The following ZAP70 variants were observed in gnomAD, a reference collection of about 807,000 sequenced individuals.
ZAP70 encodes tyrosine-protein kinase ZAP-70.
Under a neutral mutation model 65.8 loss-of-function variants are expected in ZAP70, and 27 were observed. That is an observed-to-expected ratio of 0.41 (90% CI 0.30 to 0.57). The LOEUF (loss-of-function observed/expected upper bound fraction) is 0.57. ZAP70 is among the 20% of genes least tolerant of loss of function. ZAP70 has a pLI of 0.28. For synonymous variants in ZAP70, 363 were observed against 360.8 expected (o/e 1.01, Z -0.07); for missense variants, 696 against 870.5 (o/e 0.80, Z 2.52).
Position 97,725,157 on chromosome 2 carries a change from G to A in ZAP70, c.468G>A (p.Thr156=), listed in dbSNP as rs200552725. 17 of 1,614,136 alleles carry A rather than the reference G, an allele frequency of 1.1e-5. No individual in the cohort carries two copies. The African/African-American group carries it at 1.1e-4, about 10-fold the overall frequency. Reference sequence around the variant, plus strand: ...AGGTGGAGAAGCTCATTGCTACGACGGCCCACGAGCGGATGCCCTGGTACC... The same window carrying A: ...AGGTGGAGAAGCTCATTGCTACGACAGCCCACGAGCGGATGCCCTGGTACC... ...APQVEKLIAT[T]AHERMPWYHS... Residue 156 remains threonine (T), a synonymous_variant, in exon 4 of 14, where the codon ACG becomes ACA. Transcript: ENST00000264972.
intron 2 of ZAP70, among the ~76,000 whole-genome samples, chr2:97,717,607 T>G (rs1346845570): frequency 1.3e-5 from 2 of 152,188 alleles, no homozygotes; most frequent in Non-Finnish European, 2.9e-5. Context: ...TAATGGGGGC[T>G]TCTGATGCCC....
In ZAP70 at chr2:97,725,726, G is replaced by A. The variant is rs188812060; in HGVS notation, c.563+474G>A. Among the ~76,000 whole-genome samples, 301 of 152,298 alleles carry A rather than the reference G, an allele frequency of 2.0e-3. 1 individual carries two copies. Among genetic ancestry groups the A allele is most frequent in the African/African-American group, 6.9e-3 (288 of 41,544 alleles). ...GCGCCGTGTGTGCAGGTGGGGAGGC[G>A]GTTGCAATTTTAGATTAGGTGGTCA... On this transcript the variant is annotated intron_variant, in intron 4 of 13. Transcript: ENST00000264972.
chr2:97,730,703 A>G (rs887119122), intron 4 of ZAP70, among the ~76,000 whole-genome samples: 79 of 152,288 alleles, frequency 5.2e-4, no homozygotes, highest in African/African-American at 1.8e-3. Flanking sequence ...TTCCCCCAGT[A>G]TTCCACATGG....
downstream of ZAP70, among the ~76,000 whole-genome samples, chr2:97,744,296 G>A (rs1341152298): frequency 6.6e-6 from 1 of 152,092 alleles, no homozygotes; most frequent in Non-Finnish European, 1.5e-5. Flanking sequence ...CTGTAGACAC[G>A]CTAAATAAAC....
chr2:97,723,943 G>C lies in ZAP70; in HGVS notation c.-21-73G>C, dbSNP rs1054740794. On this transcript the variant is annotated intron_variant, in intron 2 of 13. Coordinates refer to ENST00000264972, the MANE Select transcript of ZAP70 (RefSeq NM_001079.4). ...TGATGCCCTCCACTTGGCGTCTCTC[G>C]CGCCGTCTTTGGGCCCAACGCACCA... 6.7e-5 allele frequency: 100 copies of C among 1,502,144 alleles called. 1 individual carries two copies. Among genetic ancestry groups the C allele is most frequent in the Non-Finnish European group, 8.7e-5 (98 of 1,121,144 alleles). The allele number at this position is 1,502,144 out of a possible 1,614,324, so 93.1% of individuals were successfully genotyped here. A position where few individuals can be genotyped will look rare whatever the true frequency, so the allele number is the denominator to read the frequency against.
At chr2:97,718,168 C>T (rs11896919) in intron 2 of ZAP70, among the ~76,000 whole-genome samples, 175 of 152,162 alleles carry the variant, frequency 1.2e-3, no homozygotes, top group African/African-American at 4.0e-3. Context: ...CCAGGCAGGT[C>T]GAGGGCTGGG....
intron 2 of ZAP70, among the ~76,000 whole-genome samples, chr2:97,721,101 C>T (rs1677136757): frequency 6.6e-6 from 1 of 152,110 alleles, no homozygotes; most frequent in African/African-American, 2.4e-5. Flanking sequence ...GGTATTTTTT[C>T]CCAACATTCT....
At chr2:97,740,582 G>T (rs1678103436), downstream of ZAP70, among the ~76,000 whole-genome samples, 2 of 152,154 alleles carry the variant, frequency 1.3e-5, no homozygotes. Flanking sequence ...TAAGAAGGAG[G>T]CATTAAAAAA....
intron 4 of ZAP70, among the ~76,000 whole-genome samples, chr2:97,726,526 C>A (rs1677395656): frequency 6.6e-6 from 1 of 152,266 alleles, no homozygotes. Flanking sequence ...ATCTGCCTCC[C>A]CCAGGGCTGT....
rs1219741849 is a variant in ZAP70, at chr2:97,736,598, G to A, written c.1290-875G>A. ...GAGCATGTGGGAAGATAGTGTGGTG[G>A]GCACAAGCCTGCCGCAGCTCCAGGG... On this transcript the variant is annotated intron_variant, in intron 10 of 13. Coordinates refer to ENST00000264972, the MANE Select transcript of ZAP70 (RefSeq NM_001079.4). The surrounding 1 kb of genome is among the most constrained non-coding windows in gnomAD (Gnocchi z 4.0). Among the ~76,000 whole-genome samples, 1 of 152,222 alleles carries A rather than the reference G, an allele frequency of 6.6e-6. No individual in the cohort carries two copies. Among genetic ancestry groups the A allele is most frequent in the Non-Finnish European group, 1.5e-5 (1 of 68,044 alleles).
Position 97,725,241 on chromosome 2 carries a change from C to G in ZAP70, c.552C>G (p.Asp184Glu). The change falls in exon 4 of 14, where the codon GAC (aspartate) becomes GAG (glutamate). Residue 184 changes from aspartate to glutamate, a missense_variant. By Grantham distance (45) the Asp-to-Glu change is conservative. Coordinates refer to ENST00000264972, the MANE Select transcript of ZAP70 (RefSeq NM_001079.4). The part of the protein sequence containing the change: ...ERKLYSGAQT[D>E]GKFLLRPRKE... The stretch of plus-strand genomic sequence containing the variant: ...AACTTTACTCTGGGGCGCAGACCGA[C>G]GGCAAGTTCCTGTATGTGGGGCCCG... 1 of 1,613,288 alleles carries G rather than the reference C, an allele frequency of 6.2e-7. No homozygotes were observed. Among genetic ancestry groups the G allele is most frequent in the Non-Finnish European group, 8.5e-7 (1 of 1,179,284 alleles).
intron 13 of ZAP70, among the ~76,000 whole-genome samples, chr2:97,738,918 G>A (rs947239386): frequency 3.3e-5 from 5 of 152,022 alleles, no homozygotes; most frequent in Non-Finnish European, 5.9e-5. Flanking sequence ...TAATACTGCC[G>A]CTCCCCGCTG....
Position 97,732,993 on chromosome 2 carries a change from A to G in ZAP70, c.674A>G (p.Glu225Gly). 6.2e-7 allele frequency: 1 copy of G among 1,614,094 alleles called. No homozygotes were observed. Among genetic ancestry groups the G allele is most frequent in the Non-Finnish European group, 8.5e-7 (1 of 1,180,036 alleles). ...AAGGCGGGCAAGTACTGCATTCCCG[A>G]GGGCACCAAGTTTGACACGCTCTGG... ...QDKAGKYCIP[E>G]GTKFDTLWQL... The change falls in exon 5 of 14, where the codon GAG (glutamate) becomes GGG (glycine). Residue 225 changes from glutamate (E) to glycine (G), a missense_variant. Around this residue, in one of 3 missense-constraint regions of ZAP70, gnomAD observed 551 missense variants for 630.0 expected, o/e 0.87. Coordinates refer to ENST00000264972, the MANE Select transcript of ZAP70 (RefSeq NM_001079.4).
chr2:97,723,830 A>C (rs1027883193), intron 2 of ZAP70, among the ~76,000 whole-genome samples, 186 bp from the exon 3 acceptor site: 1 of 152,212 alleles, frequency 6.6e-6, no homozygotes, highest in Non-Finnish European at 1.5e-5. Context: ...GGACTTCTCG[A>C]TCTGTGCCCA....
chr2:97,739,706 G>A lies in ZAP70; in HGVS notation c.*208G>A, dbSNP rs1202073767. 1.0e-5 allele frequency: 8 copies of A among 785,322 alleles called. No individual in the cohort carries two copies. Among genetic ancestry groups the A allele is most frequent in the South Asian group, 7.2e-5 (4 of 55,224 alleles). 48.6% of individuals were successfully genotyped at this position (785,322 alleles called of 1,614,324 possible). On this transcript the variant is annotated 3_prime_UTR_variant, in exon 14 of 14. Transcript: ENST00000264972. ...GGAGCAGGGAGGTCCGGGAGGGTGC[G>A]GCTGTGCAGCCTGTCCTGGGCTGGT...
chr2:97,754,079 C>T, the ZAP70 span, among the ~76,000 whole-genome samples: 163 of 152,290 alleles, frequency 1.1e-3, 1 homozygote, highest in African/African-American at 3.8e-3. Context: ...TAGTACAAAG[C>T]GACTATCATG....
chr2:97,719,265 G>C (rs1054451831), intron 2 of ZAP70, among the ~76,000 whole-genome samples: 1 of 151,478 alleles, frequency 6.6e-6, no homozygotes, highest in African/African-American at 2.4e-5. Flanking sequence ...GACCTCAGTC[G>C]GGCGAGAGAT....
chr2:97,738,194 C>T (rs1573290897), intron 13 of ZAP70, 87 bp downstream of exon 13: 6 of 1,296,370 alleles, frequency 4.6e-6, no homozygotes, highest in Non-Finnish European at 6.6e-6. Flanking sequence ...TAACTCTACC[C>T]AATGTCATCT....
intron 13 of ZAP70, 77 bp from the exon 14 acceptor site, chr2:97,739,298 C>T (rs1481268790): frequency 6.3e-7 from 1 of 1,591,074 alleles, no homozygotes; most frequent in Non-Finnish European, 8.6e-7. Context: ...CAGCCAAGCA[C>T]AGTGCATGCC....
Sources: gnomAD v4.1 joint callset for allele counts (sites outside exome capture counted in the v4.1 genomes callset) on GRCh38, gnomAD v4.1.1 for gene constraint, gnomAD v4.1.1 regional missense constraint, Gnocchi (gnomAD v3.1) non-coding constraint, MANE v1.5 for transcripts, NCBI Gene and HGNC (gene_info 2026-07-23, HGNC 2026-07-21) for gene names.